Variants in ANO6 observed in about 807,000 individuals in gnomAD.
ANO6 encodes anoctamin 6, also known as anoctamin-6.
Under a neutral mutation model 117.5 loss-of-function variants are expected in ANO6, and 106 were observed. That is an observed-to-expected ratio of 0.90 (90% confidence interval 0.77 to 1.06). The LOEUF (loss-of-function observed/expected upper bound fraction) is 1.06. Ranked by LOEUF, ANO6 falls within the 50% of genes least tolerant of loss-of-function variation. The pLI is 0.00. For missense variants in ANO6, 955 were observed against 1,121.1 expected, an observed-to-expected ratio of 0.85 and a Z score of 2.12; for synonymous variants, 367 against 385.1, an observed-to-expected ratio of 0.95 and a Z score of 0.55.
chr12:45,237,785 A>C (rs984449660), intron 1 of ANO6, among the ~76,000 whole-genome samples: 2 of 152,224 alleles, frequency 1.3e-5, no homozygotes, highest in African/African-American at 4.8e-5. Flanking sequence ...CTTGATGGGG[A>C]TGGCATTGAA....
At chr12:45,284,716 A>G (rs1345828906) in intron 1 of ANO6, among the ~76,000 whole-genome samples, 1 of 152,220 alleles carries the variant, frequency 6.6e-6, no homozygotes, top group East Asian at 1.9e-4. Flanking sequence ...GTTGTCGTGT[A>G]TCTAAGACCT....
At chr12:45,403,617 CCACA>C (rs1942857334) in intron 15 of ANO6, 81 bp downstream of exon 15, 1 of 833,554 alleles carries the variant, frequency 1.2e-6, no homozygotes, top group East Asian at 9.0e-5. Context: ...GCCTACATAG[CCACA>C]TAGCCACATA....
chr12:45,435,113 C>T (rs1213995962), downstream of ANO6, among the ~76,000 whole-genome samples: 1 of 151,872 alleles, frequency 6.6e-6, no homozygotes, highest in Middle Eastern at 3.2e-3. Context: ...TTATGGCACT[C>T]TCTATTATAA....
At chr12:45,437,726 G>A (rs556368967) in intron 19 of ANO6, among the ~76,000 whole-genome samples, 24 of 151,888 alleles carry the variant, frequency 1.6e-4, no homozygotes, top group Admixed American at 5.2e-4. Context: ...CACATGCCAC[G>A]CCCAGCTAAT....
rs567362336 is a variant in ANO6 at position 45,227,445 on chromosome 12, C to T, written c.70+11054C>T. 1.9e-4 allele frequency among the ~76,000 whole-genome samples: 29 copies of T among 152,222 alleles called. No homozygotes were observed. In the South Asian group the frequency reaches 5.0e-3, roughly 26 times the overall value. On this transcript the variant is annotated intron_variant, in intron 1 of 19. Transcript: ENST00000320560. The stretch of plus-strand genomic sequence containing the variant: ...CACCTAGCACCTTGTGCCATGTCCC[C>T]TAGAATTGATTGAATGACACAAGCT...
intron 1 of ANO6, among the ~76,000 whole-genome samples, chr12:45,286,403 C>T (rs1359758740): frequency 2.0e-5 from 3 of 152,130 alleles, no homozygotes; most frequent in Non-Finnish European, 2.9e-5. Flanking sequence ...TGTTTCAGTC[C>T]ATTATTTAAC....
chr12:45,299,854 AAAAAAG>A (rs934103095), intron 1 of ANO6, among the ~76,000 whole-genome samples: 28 of 152,300 alleles, frequency 1.8e-4, no homozygotes, highest in South Asian at 6.2e-4. Flanking sequence ...TCCATCTCAA[AAAAAAG>A]AAAAAGAAAA....
chr12:45,314,684 A>G (rs886697078), intron 2 of ANO6, among the ~76,000 whole-genome samples: 2 of 151,982 alleles, frequency 1.3e-5, no homozygotes, highest in African/African-American at 4.8e-5. Context: ...ATATATTGAT[A>G]TAATCAGGAT....
chr12:45,268,420 T>C (rs1938288955), intron 1 of ANO6, among the ~76,000 whole-genome samples: 1 of 152,170 alleles, frequency 6.6e-6, no homozygotes, highest in Non-Finnish European at 1.5e-5. Context: ...CTCGAGAGCC[T>C]GAGGCAGGAG....
At chr12:45,263,923 C>T (rs1938130486) in intron 1 of ANO6, among the ~76,000 whole-genome samples, 1 of 152,122 alleles carries the variant, frequency 6.6e-6, no homozygotes, top group South Asian at 2.1e-4. Context: ...CCTATTTTTT[C>T]CCCTTTAAAC....
intron 1 of ANO6, among the ~76,000 whole-genome samples, chr12:45,221,945 G>A (rs1020458046): frequency 2.9e-5 from 4 of 138,064 alleles, no homozygotes; most frequent in East Asian, 4.4e-4. Context: ...GCAGTGGCGT[G>A]ATCTCAGCTC....
At chr12:45,392,373 G>A (rs946380623) in intron 12 of ANO6, among the ~76,000 whole-genome samples, 3 of 152,206 alleles carry the variant, frequency 2.0e-5, no homozygotes, top group African/African-American at 4.8e-5. Context: ...AGAGCCCACC[G>A]CAGCTCAACA....
chr12:45,259,265 T>C (rs1565650239), intron 1 of ANO6, among the ~76,000 whole-genome samples: 1 of 152,206 alleles, frequency 6.6e-6, no homozygotes, highest in Non-Finnish European at 1.5e-5. Flanking sequence ...AACAGTATGC[T>C]TTTTCCTGGT....
intron 7 of ANO6, among the ~76,000 whole-genome samples, chr12:45,352,117 C>T (rs1337824568): frequency 6.6e-6 from 1 of 152,046 alleles, no homozygotes; most frequent in African/African-American, 2.4e-5. Flanking sequence ...ACACCCCATG[C>T]ACTTGCCACC....
At chr12:45,290,030 C>G (rs61923854) in intron 1 of ANO6, among the ~76,000 whole-genome samples, 55,161 of 152,034 alleles carry the variant, frequency 0.36, 12,300 homozygotes, top group Non-Finnish European at 0.5. Context: ...AACACAAGAC[C>G]ATTTACATTT....
chr12:45,421,768 TCTC>T (rs1943372115), intron 18 of ANO6, among the ~76,000 whole-genome samples: 1 of 152,208 alleles, frequency 6.6e-6, no homozygotes, highest in Admixed American at 6.5e-5. Context: ...AGATGTGAAA[TCTC>T]AGCTGAACAG....
At chr12:45,387,674 T>G (rs1290318344) in intron 10 of ANO6, among the ~76,000 whole-genome samples, 1 of 152,190 alleles carries the variant, frequency 6.6e-6, no homozygotes, top group Non-Finnish European at 1.5e-5. Context: ...TCTCCTATAA[T>G]TTAGATTTGA....
downstream of ANO6, among the ~76,000 whole-genome samples, chr12:45,433,936 C>T (rs1363309636): frequency 6.6e-6 from 1 of 152,196 alleles, no homozygotes; most frequent in Non-Finnish European, 1.5e-5. Context: ...CTCTTAATAG[C>T]ATTTCCATTT....
chr12:45,378,731 A>C (rs1942095018), intron 10 of ANO6, among the ~76,000 whole-genome samples: 1 of 152,144 alleles, frequency 6.6e-6, no homozygotes, highest in Non-Finnish European at 1.5e-5. Flanking sequence ...CCATTATTGC[A>C]ACAGCCCTCA....
Sources: allele counts gnomAD v4.1 joint callset (sites outside exome capture counted in the v4.1 genomes callset), GRCh38; gene constraint gnomAD v4.1.1; transcripts MANE v1.5; gene names NCBI Gene and HGNC (gene_info 2026-07-23, HGNC 2026-07-21).